The following TAOK3 variants were observed in gnomAD, a reference collection of about 807,000 sequenced individuals.
The protein encoded by TAOK3 is TAO kinase 3, also known as serine/threonine-protein kinase TAO3.
In TAOK3, 40 loss-of-function variants were observed where a neutral mutation model predicts 120.4. The observed-to-expected ratio is 0.33, with a 90% CI of 0.26 to 0.43. The LOEUF (loss-of-function observed/expected upper bound fraction) is 0.43, where lower values mean the gene tolerates loss of function less well. Ranked by LOEUF, TAOK3 falls within the 20% of genes least tolerant of loss-of-function variation. TAOK3 has a pLI of 1.00. For synonymous variants in TAOK3, 355 were observed against 387.5 expected (o/e 0.92, Z 0.99); for missense variants, 821 against 1,112.1 (o/e 0.74, Z 3.72).
intron 10 of TAOK3, 51 bp from the exon 11 acceptor site, chr12:118,213,046 A>G (rs764379246): frequency 8.4e-7 from 1 of 1,185,542 alleles, no homozygotes; most frequent in Non-Finnish European, 1.2e-6. Context: ...TGTAGAGCAC[A>G]CTGATTACTT....
chr12:118,188,731 C>T (rs889355446), intron 14 of TAOK3, among the ~76,000 whole-genome samples: 1 of 152,172 alleles, frequency 6.6e-6, no homozygotes, highest in Admixed American at 6.5e-5. Context: ...ATTTCTGGGT[C>T]GGCCTTGGAT....
At chr12:118,359,284 G>C (rs1386011814) in intron 1 of TAOK3, 1 of 152,132 alleles carries the variant, frequency 6.6e-6, no homozygotes, top group African/African-American at 2.4e-5. Flanking sequence ...ACCTACAAAA[G>C]AGGAAAACTT....
At chr12:118,246,491 C>T (rs936164878) in intron 3 of TAOK3, 13 of 1,557,802 alleles carry the variant, frequency 8.3e-6, no homozygotes, top group Admixed American at 1.7e-5. Context: ...ACAATGGCCA[C>T]GTCGGTCTGG....
At chr12:118,344,213 G>C (rs1215581144) in intron 1 of TAOK3, among the ~76,000 whole-genome samples, 1 of 145,892 alleles carries the variant, frequency 6.9e-6, no homozygotes, top group Non-Finnish European at 1.5e-5. Flanking sequence ...TATGCAGTCT[G>C]AATTTTTTTT....
chr12:118,256,222 A>C (rs2040982002), intron 2 of TAOK3, among the ~76,000 whole-genome samples: 1 of 152,256 alleles, frequency 6.6e-6, no homozygotes, highest in Non-Finnish European at 1.5e-5. Flanking sequence ...ACAGTGAGAT[A>C]CCATTGCATA....
chr12:118,186,762 A>G (rs2037102041), intron 14 of TAOK3, among the ~76,000 whole-genome samples: 1 of 152,232 alleles, frequency 6.6e-6, no homozygotes, highest in Non-Finnish European at 1.5e-5. Flanking sequence ...AAAAGTTACA[A>G]TGCTAAAGTT....
At chr12:118,323,511 A>G (rs1034567404) in intron 1 of TAOK3, among the ~76,000 whole-genome samples, 1 of 152,188 alleles carries the variant, frequency 6.6e-6, no homozygotes, top group African/African-American at 2.4e-5. Context: ...TATAACACAA[A>G]ATGCAGAAAC....
chr12:118,301,324 A>G (rs917258930), intron 1 of TAOK3, among the ~76,000 whole-genome samples: 2 of 152,208 alleles, frequency 1.3e-5, no homozygotes, highest in African/African-American at 4.8e-5. Flanking sequence ...GGCTAAAAAC[A>G]AAACCAAAAA....
intron 17 of TAOK3, among the ~76,000 whole-genome samples, chr12:118,170,261 G>C (rs569013420): frequency 6.6e-6 from 1 of 151,542 alleles, no homozygotes; most frequent in African/African-American, 2.4e-5. Flanking sequence ...TAATACCACA[G>C]GTAAACTGTG....
intron 1 of TAOK3, among the ~76,000 whole-genome samples, chr12:118,301,543 T>C (rs901528420): frequency 6.6e-6 from 1 of 151,988 alleles, no homozygotes; most frequent in African/African-American, 2.4e-5. Flanking sequence ...CCTGAAGTAA[T>C]GGTCAAAATA....
chr12:118,165,747 A>G (rs2035539458), intron 17 of TAOK3, among the ~76,000 whole-genome samples: 1 of 152,262 alleles, frequency 6.6e-6, no homozygotes, highest in African/African-American at 2.4e-5. Flanking sequence ...ATGAAAGACC[A>G]TAAGAAAGTG....
intron 1 of TAOK3, among the ~76,000 whole-genome samples, chr12:118,300,748 C>A (rs1211398446): frequency 6.6e-6 from 1 of 151,782 alleles, no homozygotes; most frequent in Non-Finnish European, 1.5e-5. Context: ...TTCTTAGGAC[C>A]TTCCTTTTTG....
intron 9 of TAOK3, among the ~76,000 whole-genome samples, chr12:118,217,821 A>G (rs535304756): frequency 0.075 from 3,664 of 49,086 alleles, 405 homozygotes; most frequent in African/African-American, 0.13. Context: ...GTATACATAT[A>G]TATATATATA....
In TAOK3 at chr12:118,181,418, C is replaced by T. The variant is rs1273576411; in HGVS notation, c.1519G>A (p.Glu507Lys). The T allele has an allele frequency of 3.1e-6, 5 of 1,614,114 alleles. No homozygotes were observed. Among genetic ancestry groups the T allele is most frequent in the Non-Finnish European group, 4.2e-6 (5 of 1,180,008 alleles). The stretch of plus-strand genomic sequence containing the variant: ...TGCTTCTTGGCCAGCTTCTCCAGCT[C>T]GATGGACGAGTTGTTGGCATGCGTC... ...VETHANNSSI[E>K]LEKLAKKQVA... The change falls in exon 15 of 21, where the codon GAG becomes AAG. Residue 507 changes from glutamate (E) to lysine (K), a missense_variant. By Grantham distance (56) the Glu-to-Lys change is moderately conservative. Coordinates refer to ENST00000392533, the MANE Select transcript of TAOK3 (RefSeq NM_016281.4).
intron 9 of TAOK3, among the ~76,000 whole-genome samples, chr12:118,233,354 T>C (rs2039870487): frequency 6.6e-6 from 1 of 151,776 alleles, no homozygotes; most frequent in South Asian, 2.1e-4. Context: ...TGTACATATG[T>C]AACAAACCTG....
Position 118,348,828 on chromosome 12 carries a change from G to C in TAOK3, c.-194+23820C>G, listed in dbSNP as rs1000992113. Reference sequence around the variant, plus strand: ...TATTATGTGTGTTTTTGTGAGGGGGGAGAAAAAAAATAATTTCTTTTTTTT... The same window carrying C: ...TATTATGTGTGTTTTTGTGAGGGGGCAGAAAAAAAATAATTTCTTTTTTTT... On this transcript the variant is annotated intron_variant, in intron 1 of 20. Coordinates refer to ENST00000392533, the MANE Select transcript of TAOK3 (RefSeq NM_016281.4). Among the ~76,000 whole-genome samples the C allele has an allele frequency of 1.0e-4, 15 of 149,948 alleles. 1 individual carries two copies. The highest frequency in any genetic ancestry group is 2.9e-4 in the African/African-American group (12 of 40,820).
chr12:118,151,285 GCGCGCACACACACACACA>G (rs753322443), intron 20 of TAOK3, 127 bp from the exon 21 acceptor site: 85,067 of 611,712 alleles, frequency 0.14, 5,044 homozygotes, highest in Non-Finnish European at 0.16. Context: ...AAGTGCGCGC[GCGCGCACACACACACACA>G]CACACACACA....
intron 1 of TAOK3, among the ~76,000 whole-genome samples, chr12:118,321,415 C>T (rs1290655024): frequency 1.3e-5 from 2 of 152,118 alleles, no homozygotes; most frequent in Non-Finnish European, 2.9e-5. Context: ...TGCACGCCAC[C>T]ACATCTGGCT....
At chr12:118,251,173 G>T (rs913552274) in intron 3 of TAOK3, among the ~76,000 whole-genome samples, 1 of 152,188 alleles carries the variant, frequency 6.6e-6, no homozygotes, top group African/African-American at 2.4e-5. Flanking sequence ...AGACTGAAGA[G>T]ACCAAAGCAG....
Sources: allele counts gnomAD v4.1 joint callset (sites outside exome capture counted in the v4.1 genomes callset), GRCh38; gene constraint gnomAD v4.1.1; transcripts MANE v1.5; gene names NCBI Gene and HGNC (gene_info 2026-07-23, HGNC 2026-07-21).